The following KSR2 variants were observed in gnomAD, a reference collection of about 807,000 sequenced individuals.
The protein encoded by KSR2 is kinase suppressor of ras 2.
A neutral mutation model predicts 107.8 loss-of-function variants in KSR2; 25 were observed. The ratio of observed to expected loss-of-function variants is 0.23; its 90% CI spans 0.17 to 0.32. KSR2 has a LOEUF of 0.32. Among genes scored for constraint, KSR2 ranks in the 10% least tolerant of loss-of-function variants. KSR2 has a pLI of 1.00. For synonymous variants in KSR2, 480 were observed against 507.0 expected (o/e 0.95, Z 0.71); for missense variants, 887 against 1,268.9 (o/e 0.70, Z 4.57).
chr12:117,626,987 A>C (rs897879619), intron 5 of KSR2, among the ~76,000 whole-genome samples: 11 of 151,640 alleles, frequency 7.3e-5, no homozygotes, highest in Non-Finnish European at 1.5e-4. Flanking sequence ...TTGTTGGTTT[A>C]AAGTCTGTTT....
intron 1 of KSR2, among the ~76,000 whole-genome samples, chr12:117,944,842 A>T (rs1289224315): frequency 6.6e-6 from 1 of 152,162 alleles, no homozygotes; most frequent in African/African-American, 2.4e-5. Flanking sequence ...TGGGCAACAG[A>T]GTGAGACCCT....
At position 117,462,854 on chromosome 12, in the gene KSR2, T is replaced by C. The variant is rs1441241057; in HGVS notation, c.*4345A>G. The C allele has an allele frequency of 6.6e-6, 1 of 152,096 alleles. No homozygotes were observed. The highest frequency in any genetic ancestry group is 6.6e-5 in the Admixed American group (1 of 15,262). The allele number at this position is 152,096 out of a possible 1,614,324, so 9.4% of individuals were successfully genotyped here. A position where few individuals can be genotyped will look rare whatever the true frequency, so the allele number is the denominator to read the frequency against. On this transcript the variant is annotated 3_prime_UTR_variant, in exon 20 of 20. Transcript: ENST00000339824. Reference sequence around the variant, plus strand: ...GGGATGGGAATAAAATCACAGAGCGTTGGAACCCTAATCTAATAAGATTGT... The same window carrying C: ...GGGATGGGAATAAAATCACAGAGCGCTGGAACCCTAATCTAATAAGATTGT...
chr12:117,508,417 A>G lies in KSR2; in HGVS notation c.2219+16435T>C, dbSNP rs142506659. On this transcript the variant is annotated intron_variant, in intron 14 of 19. Transcript: ENST00000339824. The stretch of plus-strand genomic sequence containing the variant: ...GTTAGAGAGTAAGATTTCAACAACT[A>G]TTTGCTGAACAGCTAGGTGGCTAGA... 1.8e-3 allele frequency among the ~76,000 whole-genome samples: 278 copies of G among 152,326 alleles called. 3 individuals carry two copies. The highest frequency in any genetic ancestry group is 6.4e-3 in the African/African-American group (266 of 41,572).
At chr12:117,615,967 A>G (rs1204253875) in intron 5 of KSR2, among the ~76,000 whole-genome samples, 1 of 152,160 alleles carries the variant, frequency 6.6e-6, no homozygotes, top group Non-Finnish European at 1.5e-5. Context: ...ACCCTGGGCA[A>G]TATGGTGAAA....
At chr12:117,831,020 T>A (rs1181004522) in intron 3 of KSR2, among the ~76,000 whole-genome samples, 6 of 152,148 alleles carry the variant, frequency 3.9e-5, no homozygotes, top group South Asian at 2.1e-4. Context: ...CAGATCCAAC[T>A]TCCTCCATGT....
At chr12:117,476,418 T>G (rs1193184360) in intron 17 of KSR2, 46 bp downstream of exon 17, 1 of 1,525,706 alleles carries the variant, frequency 6.6e-7, no homozygotes, top group African/African-American at 1.4e-5. Flanking sequence ...GAAGTGCCCC[T>G]CTGCCCAGGC....
chr12:117,825,322 C>T lies in KSR2; in HGVS notation c.472+30106G>A, dbSNP rs569614732. 1.2e-4 allele frequency among the ~76,000 whole-genome samples: 18 copies of T among 152,026 alleles called. No homozygotes were observed. The South Asian group carries it at 2.5e-3, about 21-fold the overall frequency. On this transcript the variant is annotated intron_variant, in intron 3 of 19. Transcript: ENST00000339824. ...TGTGCATGGAAGATTGGTAGGTACG[C>T]GGATGGATGGATGGAGGGATGCATG...
intron 4 of KSR2, among the ~76,000 whole-genome samples, chr12:117,726,132 C>A (rs1365881506): frequency 6.6e-6 from 1 of 151,982 alleles, no homozygotes; most frequent in Admixed American, 6.6e-5. Flanking sequence ...AGCATCACTG[C>A]ACTCCAGCCT....
chr12:117,864,433 C>T (rs1222254180), intron 1 of KSR2, among the ~76,000 whole-genome samples: 2 of 152,114 alleles, frequency 1.3e-5, no homozygotes, highest in Non-Finnish European at 1.5e-5. Context: ...TGTATACATA[C>T]ATGCATTGCG....
intron 4 of KSR2, among the ~76,000 whole-genome samples, chr12:117,721,391 G>C (rs1183277737): frequency 6.6e-6 from 1 of 152,228 alleles, no homozygotes; most frequent in Non-Finnish European, 1.5e-5. Flanking sequence ...GAATAGTATA[G>C]AAGGCTATAT....
intron 14 of KSR2, among the ~76,000 whole-genome samples, chr12:117,517,517 A>C: frequency 6.6e-6 from 1 of 152,194 alleles, no homozygotes; most frequent in Admixed American, 6.5e-5. Context: ...AGTGGTGGCC[A>C]GTGGTGAGGT....
At chr12:117,505,336 C>T (rs570646476) in intron 14 of KSR2, among the ~76,000 whole-genome samples, 36 of 152,308 alleles carry the variant, frequency 2.4e-4, no homozygotes, top group African/African-American at 8.4e-4. Flanking sequence ...ATGGGTTTAA[C>T]TCAAACCCTA....
Position 117,455,385 on chromosome 12 carries a change from T to A in KSR2, c.*11814A>T, listed in dbSNP as rs930464159. The A allele has an allele frequency of 7.2e-5, 11 of 152,150 alleles. No homozygotes were observed. The highest frequency in any genetic ancestry group is 2.4e-4 in the African/African-American group (10 of 41,418). 9.4% of individuals were successfully genotyped at this position (152,150 alleles called of 1,614,324 possible). A position where few individuals can be genotyped will look rare whatever the true frequency, so the allele number is the denominator to read the frequency against. ...AATAAATCATGATCTTGCCTCTGAGTCCACACATAGGCTGTTCCTTCTGTC... is the reference window on the plus strand; with the variant it reads ...AATAAATCATGATCTTGCCTCTGAGACCACACATAGGCTGTTCCTTCTGTC... On this transcript the variant is annotated 3_prime_UTR_variant, in exon 20 of 20. Transcript: ENST00000339824.
At position 117,465,455 on chromosome 12, in the gene KSR2, G is replaced by C. The variant is rs182347608; in HGVS notation, c.*1744C>G. 1.3e-5 allele frequency: 2 copies of C among 152,310 alleles called. No homozygotes were observed. Among genetic ancestry groups the C allele is most frequent in the African/African-American group, 4.8e-5 (2 of 41,564 alleles). The allele number at this position is 152,310 out of a possible 1,614,324, so 9.4% of individuals were successfully genotyped here. ...TCAGGAGGGCCCTTTGGGAAACACA[G>C]GGGTTTCCTGTAGCCAGGCTCCTGG... On this transcript the variant is annotated 3_prime_UTR_variant, in exon 20 of 20. Coordinates refer to ENST00000339824, the MANE Select transcript of KSR2 (RefSeq NM_173598.6).
At chr12:117,552,623 GC>G (rs1670648869) in intron 9 of KSR2, among the ~76,000 whole-genome samples, 1 of 152,182 alleles carries the variant, frequency 6.6e-6, no homozygotes, top group Non-Finnish European at 1.5e-5. Flanking sequence ...ACTCAACCCA[GC>G]CCAGGCACCA....
intron 3 of KSR2, among the ~76,000 whole-genome samples, chr12:117,809,446 T>C (rs990859463): frequency 6.6e-6 from 1 of 152,152 alleles, no homozygotes; most frequent in Non-Finnish European, 1.5e-5. Flanking sequence ...CTCCTGAGAC[T>C]GCCAAATGTC....
chr12:117,777,107 T>TATATATATATATATATATAC (rs58787858), intron 3 of KSR2, among the ~76,000 whole-genome samples: 23 of 66,142 alleles, frequency 3.5e-4, no homozygotes, highest in African/African-American at 1.3e-3. Flanking sequence ...TATATATATA[T>TATATATATATATATATATAC]ACACACACAC....
chr12:117,802,056 T>A (rs1274431246), intron 3 of KSR2, among the ~76,000 whole-genome samples: 1 of 152,216 alleles, frequency 6.6e-6, no homozygotes, highest in Admixed American at 6.5e-5. Context: ...ATTCATTATC[T>A]TAAAATTCTG....
At chr12:117,616,289 C>A (rs753801768) in intron 5 of KSR2, among the ~76,000 whole-genome samples, 1 of 151,918 alleles carries the variant, frequency 6.6e-6, no homozygotes. Context: ...AGAAAAAGAT[C>A]AGCAAAAGTC....
Sources: gnomAD v4.1 joint callset for allele counts (sites outside exome capture counted in the v4.1 genomes callset) on GRCh38, gnomAD v4.1.1 for gene constraint, MANE v1.5 for transcripts, NCBI Gene and HGNC (gene_info 2026-07-23, HGNC 2026-07-21) for gene names.